TCF12: variants seen among roughly 807,000 people sequenced by gnomAD.
The protein encoded by TCF12 is transcription factor 12, also known as DNA-binding protein HTF4.
Under a neutral mutation model 86.0 loss-of-function variants are expected in TCF12, and 45 were observed. The ratio of observed to expected loss-of-function variants is 0.52; its 90% confidence interval spans 0.41 to 0.67. TCF12 has a LOEUF of 0.67. Among genes scored for constraint, TCF12 ranks in the 30% least tolerant of loss-of-function variants. TCF12 has a pLI of 0.00. For missense variants in TCF12, 881 were observed against 859.9 expected (o/e 1.02, Z -0.31); for synonymous variants, 330 against 299.6 (o/e 1.10, Z -1.05).
chr15:57,189,393 C>T (rs894391770), intron 6 of TCF12, among the ~76,000 whole-genome samples: 5 of 152,110 alleles, frequency 3.3e-5, no homozygotes, highest in Admixed American at 3.3e-4. Context: ...AATTCAACAA[C>T]AAGAAGATAA....
In TCF12 at chr15:56,990,151, C is replaced by CTTTTTTTTTT. The variant is rs372235874; in HGVS notation, c.148+69063_148+69072dup. On this transcript the variant is annotated intron_variant, in intron 3 of 20. Coordinates refer to ENST00000333725, the MANE Select transcript of TCF12 (RefSeq NM_207037.2). ...CATTTATTTTTAGGCATAGTCTTGT[C>CTTTTTTTTTT]TTTTTTTTTTTTTTTTTTTGGTAAA... 2.5e-3 allele frequency among the ~76,000 whole-genome samples: 230 copies of CTTTTTTTTTT among 92,660 alleles called. 3 individuals are homozygous for CTTTTTTTTTT. The highest frequency in any genetic ancestry group is 0.01 in the Middle Eastern group (1 of 98). The allele number at this position is 92,660 out of a possible 152,430, so 60.8% of individuals were successfully genotyped here. A position where few individuals can be genotyped will look rare whatever the true frequency, so the allele number is the denominator to read the frequency against.
intron 19 of TCF12, among the ~76,000 whole-genome samples, chr15:57,275,327 G>GGTGTGTGTGTGTGTGTGTGTGTGT (rs1171707504): frequency 0.045 from 2,892 of 64,028 alleles, 294 homozygotes; most frequent in Middle Eastern, 0.065. Context: ...GTAAGGTAGG[G>GGTGTGTGTGTGTGTGTGTGTGTGT]GTGTGTGTGT....
Position 57,262,317 on chromosome 15 carries a change from T to C in TCF12, c.1582+109T>C, listed in dbSNP as rs1597725802. 4 of 845,546 alleles carry C rather than the reference T, an allele frequency of 4.7e-6. No homozygotes were observed. In the South Asian group the frequency reaches 7.0e-5, roughly 15 times the overall value. The allele number at this position is 845,546 out of a possible 1,614,324, so 52.4% of individuals were successfully genotyped here. A position where few individuals can be genotyped will look rare whatever the true frequency, so the allele number is the denominator to read the frequency against. ...ATCTGTGAATCAAAAGTCATTGAGG[T>C]GAGGGAATTCCAAATAGCGTGGAGA... On this transcript the variant is annotated intron_variant, in intron 17 of 20. Transcript: ENST00000333725.
At chr15:57,064,225 A>G (rs1203632592) in intron 4 of TCF12, among the ~76,000 whole-genome samples, 1 of 152,196 alleles carries the variant, frequency 6.6e-6, no homozygotes, top group Non-Finnish European at 1.5e-5. Context: ...CCTTTGCATC[A>G]GGAACTCAAC....
chr15:57,251,805 T>C (rs2060130809), intron 14 of TCF12, among the ~76,000 whole-genome samples: 1 of 151,178 alleles, frequency 6.6e-6, no homozygotes, highest in Non-Finnish European at 1.5e-5. Context: ...TTTTACACTT[T>C]CTCATAATAC....
intron 5 of TCF12, among the ~76,000 whole-genome samples, chr15:57,109,851 TCCTTAA>T (rs1221579022): frequency 6.6e-6 from 1 of 152,180 alleles, no homozygotes; most frequent in Admixed American, 6.5e-5. Flanking sequence ...GAAGATTTCC[TCCTTAA>T]TGCAAATGAA....
At chr15:56,928,435 C>CAT (rs2060109590) in intron 3 of TCF12, among the ~76,000 whole-genome samples, 1 of 151,930 alleles carries the variant, frequency 6.6e-6, no homozygotes, top group South Asian at 2.1e-4. Flanking sequence ...AATTTATGGG[C>CAT]ATTATCTCAT....
intron 8 of TCF12, among the ~76,000 whole-genome samples, chr15:57,224,448 C>G (rs533748707): frequency 1.3e-5 from 2 of 151,906 alleles, no homozygotes; most frequent in African/African-American, 2.4e-5. Flanking sequence ...TCCTAGAAAA[C>G]CAGTGATATG....
chr15:57,235,730 T>G (rs1171440606), intron 12 of TCF12, among the ~76,000 whole-genome samples: 5 of 152,212 alleles, frequency 3.3e-5, no homozygotes, highest in African/African-American at 1.2e-4. Context: ...AAATAACATT[T>G]GAACTTTCAG....
chr15:57,048,250 G>GTTTGTTTTGT (rs140195356), intron 3 of TCF12, among the ~76,000 whole-genome samples: 1 of 151,516 alleles, frequency 6.6e-6, no homozygotes. Flanking sequence ...TTGTTTGTTT[G>GTTTGTTTTGT]TTTGTTTTGT....
chr15:57,039,719 C>T (rs892019390), intron 3 of TCF12, among the ~76,000 whole-genome samples: 19 of 152,078 alleles, frequency 1.2e-4, no homozygotes, highest in African/African-American at 4.1e-4. Flanking sequence ...GTCCGTAGAC[C>T]TTCTTGTTGC....
intron 9 of TCF12, 115 bp downstream of exon 9, chr15:57,231,372 T>C: frequency 1.3e-6 from 1 of 752,254 alleles, no homozygotes; most frequent in Non-Finnish European, 2.2e-6. Context: ...GGCATTTTTT[T>C]TGGCTAAATT....
rs2069718011 is a variant in TCF12 at position 57,074,547 on chromosome 15, C to T, written c.222+10724C>T. 1.3e-5 allele frequency among the ~76,000 whole-genome samples: 2 copies of T among 152,118 alleles called. 1 individual carries two copies. Among genetic ancestry groups the T allele is most frequent in the South Asian group, 4.1e-4 (2 of 4,828 alleles). On this transcript the variant is annotated intron_variant, in intron 4 of 20. Transcript: ENST00000333725. Reference sequence around the variant, plus strand: ...TTTGAAACAGGGTCTTGCTCTGTCGCCCAGGCTGGAAATGCAGTGGCACAG... The same window carrying T: ...TTTGAAACAGGGTCTTGCTCTGTCGTCCAGGCTGGAAATGCAGTGGCACAG...
intron 5 of TCF12, among the ~76,000 whole-genome samples, chr15:57,106,446 T>TG (rs1241783034): frequency 6.6e-6 from 1 of 152,242 alleles, no homozygotes; most frequent in Non-Finnish European, 1.5e-5. Flanking sequence ...TAGGCACTTT[T>TG]GCGTTTGGCT....
At chr15:57,279,195 T>G (rs1404871870) in intron 19 of TCF12, among the ~76,000 whole-genome samples, 1 of 139,568 alleles carries the variant, frequency 7.2e-6, no homozygotes, top group Non-Finnish European at 1.5e-5. Context: ...GGTCTCACTT[T>G]GTTGCCCAGG....
intron 3 of TCF12, among the ~76,000 whole-genome samples, chr15:56,975,966 A>G (rs1381332037): frequency 6.6e-6 from 1 of 151,902 alleles, no homozygotes; most frequent in Middle Eastern, 3.4e-3. Flanking sequence ...TGAAAAACTA[A>G]TAGCTTGGCT....
chr15:57,138,249 C>T (rs866879060), intron 5 of TCF12, among the ~76,000 whole-genome samples: 8 of 152,154 alleles, frequency 5.3e-5, no homozygotes, highest in African/African-American at 9.7e-5. Context: ...GACACTTCAG[C>T]GTTAACTAAA....
At chr15:57,022,435 A>G (rs1365962657) in intron 3 of TCF12, among the ~76,000 whole-genome samples, 2 of 152,116 alleles carry the variant, frequency 1.3e-5, no homozygotes, top group Non-Finnish European at 2.9e-5. Context: ...CATGGTGTAT[A>G]TGTGCCACAT....
At chr15:57,042,552 T>C (rs1412433332) in intron 3 of TCF12, among the ~76,000 whole-genome samples, 2 of 152,144 alleles carry the variant, frequency 1.3e-5, no homozygotes, top group Non-Finnish European at 2.9e-5. Flanking sequence ...GAGCCAGTAC[T>C]ACAGGCACGC....
Sources: gnomAD v4.1 joint callset for allele counts (sites outside exome capture counted in the v4.1 genomes callset) on GRCh38, gnomAD v4.1.1 for gene constraint, MANE v1.5 for transcripts, NCBI Gene and HGNC (gene_info 2026-07-23, HGNC 2026-07-21) for gene names.